TEX9: variants seen among roughly 807,000 people sequenced by gnomAD.
TEX9 encodes testis expressed 9, also known as testis-expressed protein 9.
In TEX9, 74 loss-of-function variants were observed where a neutral mutation model predicts 59.6. The observed-to-expected ratio is 1.24, with a 90% CI of 1.03 to 1.51. TEX9 has a LOEUF of 1.51. TEX9 is among the 40% of genes most tolerant of loss of function. The pLI is 0.00. For synonymous variants in TEX9, 186 were observed against 152.2 expected (o/e 1.22, Z -1.64); for missense variants, 522 against 447.8 (o/e 1.17, Z -1.49).
In TEX9 at chr15:56,391,241, A is replaced by G. The variant is rs553964995; in HGVS notation, c.396-2A>G. Reference sequence around the variant, plus strand: ...CATATGTATTTAATTTTTATTTTTTAGTGTTAAATTGAAATACTCTGATGT... The same window carrying G: ...CATATGTATTTAATTTTTATTTTTTGGTGTTAAATTGAAATACTCTGATGT... On this transcript the variant is annotated splice_acceptor_variant, in intron 6 of 12. Coordinates refer to ENST00000352903, the Ensembl canonical transcript of TEX9. LOFTEE classifies it high-confidence loss of function. The G allele has an allele frequency of 1.9e-5, 30 of 1,538,626 alleles. No individual in the cohort carries two copies. In the South Asian group the frequency reaches 3.3e-4, roughly 17 times the overall value.
intron 10 of TEX9, among the ~76,000 whole-genome samples, chr15:56,418,477 T>C (rs2049809823): frequency 1.3e-5 from 2 of 151,496 alleles, no homozygotes; most frequent in Admixed American, 6.6e-5. Flanking sequence ...AGGGCTTTTT[T>C]TTTTTCTTTA....
chr15:56,452,502 T>TA, the TEX9 span, among the ~76,000 whole-genome samples: 5 of 149,510 alleles, frequency 3.3e-5, no homozygotes, highest in African/African-American at 7.4e-5. Context: ...ATAATCCATA[T>TA]TGTTTTGTTT....
chr15:56,337,350 A>G (rs1325214025), intron 1 of TEX9, among the ~76,000 whole-genome samples: 1 of 152,164 alleles, frequency 6.6e-6, no homozygotes, highest in Non-Finnish European at 1.5e-5. Flanking sequence ...TGGATACTGC[A>G]TGTATTCGTC....
chr15:56,426,415 G>A (rs550911015), intron 10 of TEX9, among the ~76,000 whole-genome samples: 6 of 150,970 alleles, frequency 4.0e-5, no homozygotes, highest in African/African-American at 1.5e-4. Context: ...CTTGGTTGCT[G>A]CTGCTGACTG....
intron 1 of TEX9, among the ~76,000 whole-genome samples, chr15:56,320,549 T>C (rs1236872404): frequency 3.9e-5 from 6 of 152,208 alleles, no homozygotes; most frequent in African/African-American, 1.4e-4. Context: ...ATGAGAGAGA[T>C]AGGACTCACC....
chr15:56,265,242 T>G (rs2044353839), intron 1 of TEX9, among the ~76,000 whole-genome samples: 1 of 151,934 alleles, frequency 6.6e-6, no homozygotes, highest in Admixed American at 6.6e-5. Flanking sequence ...CATAGCTTAC[T>G]GTAACCTTGA....
At chr15:56,418,693 C>G (rs1390617236) in intron 10 of TEX9, among the ~76,000 whole-genome samples, 2 of 151,814 alleles carry the variant, frequency 1.3e-5, no homozygotes, top group Middle Eastern at 6.8e-3. Flanking sequence ...ATCCTTGTAG[C>G]TGTGCACCTA....
intron 10 of TEX9, among the ~76,000 whole-genome samples, chr15:56,414,642 A>G (rs1319070548): frequency 6.6e-6 from 1 of 151,792 alleles, no homozygotes; most frequent in Admixed American, 6.6e-5. Flanking sequence ...CCATTCTGTC[A>G]TTGATGGGCA....
chr15:56,331,538 A>G (rs2046143473), intron 1 of TEX9, among the ~76,000 whole-genome samples: 1 of 152,204 alleles, frequency 6.6e-6, no homozygotes, highest in Non-Finnish European at 1.5e-5. Flanking sequence ...ATTAAACAAT[A>G]TGCTCCTGAA....
rs181486907 is a variant in TEX9, at chr15:56,430,418, C to T, written c.*29+1945C>T. 4.2e-3 allele frequency among the ~76,000 whole-genome samples: 646 copies of T among 152,240 alleles called. 5 individuals are homozygous for T. Among genetic ancestry groups the T allele is most frequent in the African/African-American group, 0.015 (615 of 41,554 alleles). ...ATGGCATCTCCCCATGTTTCCCAGG[C>T]TGGTCTTGAACTCCTGGGCTCAGGT... On this transcript the variant is annotated intron_variant, in intron 12 of 12. Transcript: ENST00000352903.
chr15:56,360,405 G>A (rs2046768369), intron 1 of TEX9, among the ~76,000 whole-genome samples: 1 of 152,108 alleles, frequency 6.6e-6, no homozygotes, highest in African/African-American at 2.4e-5. Flanking sequence ...TGCCTACTCA[G>A]ATTATCTATT....
chr15:56,395,532 C>T (rs1384329809), intron 9 of TEX9: 1 of 152,086 alleles, frequency 6.6e-6, no homozygotes, highest in East Asian at 1.9e-4. Context: ...CTATGTTGAC[C>T]TTTTGAGGAA....
chr15:56,451,439 C>T, the TEX9 span, among the ~76,000 whole-genome samples: 3 of 152,264 alleles, frequency 2.0e-5, no homozygotes, highest in Middle Eastern at 6.8e-3. Flanking sequence ...CCTTTGAATG[C>T]TACCCAAATT....
chr15:56,287,791 G>A (rs1447094046), intron 1 of TEX9, among the ~76,000 whole-genome samples: 3 of 152,082 alleles, frequency 2.0e-5, no homozygotes, highest in African/African-American at 7.2e-5. Flanking sequence ...TTCTGTGCTT[G>A]CCTTATTTCA....
intron 12 of TEX9, among the ~76,000 whole-genome samples, chr15:56,434,995 GA>G (rs1249089125): frequency 1.3e-5 from 2 of 151,922 alleles, no homozygotes; most frequent in Admixed American, 6.6e-5. Flanking sequence ...ATTTTATTAT[GA>G]AAAATTTCAT....
At chr15:56,271,869 G>A (rs560900919) in intron 1 of TEX9, among the ~76,000 whole-genome samples, 29 of 152,234 alleles carry the variant, frequency 1.9e-4, no homozygotes, top group African/African-American at 6.5e-4. Context: ...GGCTGGGCAC[G>A]GTGGCTCACG....
intron 1 of TEX9, among the ~76,000 whole-genome samples, chr15:56,246,244 G>C (rs951253790): frequency 6.6e-6 from 1 of 152,170 alleles, no homozygotes; most frequent in Non-Finnish European, 1.5e-5. Context: ...GGTGCTGACC[G>C]GAGTGTGGTG....
At chr15:56,423,074 C>T (rs1411163098) in intron 10 of TEX9, among the ~76,000 whole-genome samples, 1 of 152,080 alleles carries the variant, frequency 6.6e-6, no homozygotes, top group South Asian at 2.1e-4. Context: ...GCTTCCCAAC[C>T]TTTTGGCTAG....
chr15:56,331,536 A>C (rs564111019), intron 1 of TEX9, among the ~76,000 whole-genome samples: 4 of 152,198 alleles, frequency 2.6e-5, no homozygotes, highest in African/African-American at 9.7e-5. Context: ...AAATTAAACA[A>C]TATGCTCCTG....
Sources: gnomAD v4.1 joint callset for allele counts (sites outside exome capture counted in the v4.1 genomes callset) on GRCh38, gnomAD v4.1.1 for gene constraint, MANE v1.5 for transcripts, NCBI Gene and HGNC (gene_info 2026-07-23, HGNC 2026-07-21) for gene names.